Variants in WDR5B observed in about 807,000 individuals in gnomAD.
The protein encoded by WDR5B is WD repeat domain 5B, also known as WD repeat-containing protein 5B.
A neutral mutation model predicts 24.0 loss-of-function variants in WDR5B; 17 were observed. The ratio of observed to expected loss-of-function variants is 0.71; its 90% CI spans 0.49 to 1.06. The LOEUF is 1.06. Among genes scored for constraint, WDR5B ranks in the 50% least tolerant of loss-of-function variants. The pLI, the probability that WDR5B is intolerant of heterozygous loss-of-function variation, is 0.00. For missense variants in WDR5B, 368 were observed against 384.1 expected, an observed-to-expected ratio of 0.96 and a Z score of 0.35; for synonymous variants, 150 against 146.4, an observed-to-expected ratio of 1.02 and a Z score of -0.18.
At position 122,415,644 on chromosome 3, in the gene WDR5B, TA is replaced by T; in HGVS notation, c.-117del. 7.3e-7 allele frequency: 1 copy of T among 1,362,322 alleles called. No individual in the cohort carries two copies. Among genetic ancestry groups the T allele is most frequent in the East Asian group, 2.3e-5 (1 of 42,696 alleles). 84.4% of individuals were successfully genotyped at this position (1,362,322 alleles called of 1,614,324 possible). On this transcript the variant is annotated 5_prime_UTR_variant, in exon 1 of 1. Coordinates refer to ENST00000330689, the MANE Select transcript of WDR5B (RefSeq NM_019069.4). Reference sequence around the variant, plus strand: ...GATAAACGCACAGGATTTTAAAATGTACAGTTTTGAAAGCTTAAAGTTTCTG... The same window carrying T: ...GATAAACGCACAGGATTTTAAAATGTCAGTTTTGAAAGCTTAAAGTTTCTG...
rs753357347 is a variant in WDR5B, at chr3:122,415,292, G to A, written c.237C>T (p.Leu79=). ...GAYDGKYEKT[L]YGHNLEISDV... is the part of the protein sequence containing the mutation. ...CCGATATTTCCAAATTATGACCATA[G>A]AGTGTTTTCTCATATTTTCCATCAT... The change falls in exon 1 of 1, where the codon CTC becomes CTT. Residue 79 remains leucine, a synonymous_variant. Coordinates refer to ENST00000330689, the MANE Select transcript of WDR5B (RefSeq NM_019069.4). 4 of 1,614,060 alleles carry A rather than the reference G, an allele frequency of 2.5e-6. No homozygotes were observed. The highest frequency in any genetic ancestry group is 1.3e-5 in the African/African-American group (1 of 74,930).
chr3:122,414,450 C>G lies in WDR5B; in HGVS notation c.*86G>C. On this transcript the variant is annotated 3_prime_UTR_variant, in exon 1 of 1. Coordinates refer to ENST00000330689, the MANE Select transcript of WDR5B (RefSeq NM_019069.4). ...TAACAATAGACAATTTTTAAAATAC[C>G]AAACTGCCAAAATTAAAAGAAACCG... 1 of 1,470,676 alleles carries G rather than the reference C, an allele frequency of 6.8e-7. No homozygotes were observed. Among genetic ancestry groups the G allele is most frequent in the Non-Finnish European group, 9.0e-7 (1 of 1,107,370 alleles). The allele number at this position is 1,470,676 out of a possible 1,614,324, so 91.1% of individuals were successfully genotyped here.
rs1292265051 is a variant in WDR5B, at chr3:122,414,564, G to C, written c.965C>G (p.Thr322Arg). 6.2e-7 allele frequency: 1 copy of C among 1,614,064 alleles called. No homozygotes were observed. The highest frequency in any genetic ancestry group is 1.7e-5 in the Admixed American group (1 of 60,006). The change falls in exon 1 of 1, where the codon ACA becomes AGA. Residue 322 changes from threonine to arginine, a missense_variant. Coordinates refer to ENST00000330689, the MANE Select transcript of WDR5B (RefSeq NM_019069.4). Reference protein sequence around the residue: ...IASAALENDKTIKLWMSNH With the variant: ...IASAALENDKRIKLWMSNH ...GTGGTTACTCATCCACAGTTTAATT[G>C]TTTTGTCATTTTCTAATGCTGCTGA...
At position 122,415,563 on chromosome 3, in the gene WDR5B, C is replaced by T; in HGVS notation, c.-35G>A. ...GCTCCAAGTTAGCAGGTGTACTAGG[C>T]GTTCAGCCCTGAACCAGGCAGTCCA... On this transcript the variant is annotated 5_prime_UTR_variant, in exon 1 of 1. Coordinates refer to ENST00000330689, the MANE Select transcript of WDR5B (RefSeq NM_019069.4). 6.3e-7 allele frequency: 1 copy of T among 1,578,752 alleles called. No individual in the cohort carries two copies. Among genetic ancestry groups the T allele is most frequent in the Non-Finnish European group, 8.6e-7 (1 of 1,164,158 alleles).
Position 122,415,517 on chromosome 3 carries a change from C to A in WDR5B, c.12G>T (p.Lys4Asn), listed in dbSNP as rs1263210249. MAT[K>N]ESRDAKAQLA... The stretch of plus-strand genomic sequence containing the variant: ...ACTGTGCTTTGGCGTCTCTTGACTC[C>A]TTGGTTGCCATGGCTCTGAAGCTCC... The change falls in exon 1 of 1, where the codon AAG becomes AAT. Residue 4 changes from lysine (K) to asparagine (N), a missense_variant. Coordinates refer to ENST00000330689, the MANE Select transcript of WDR5B (RefSeq NM_019069.4). 1.2e-6 allele frequency: 2 copies of A among 1,610,806 alleles called. No homozygotes were observed. The highest frequency in any genetic ancestry group is 8.5e-7 in the Non-Finnish European group (1 of 1,178,090).
In WDR5B at chr3:122,412,320, T is replaced by TA. The variant is rs1260179385; in HGVS notation, c.*2215dup. The TA allele has an allele frequency of 2.0e-5, 3 of 152,262 alleles. No individual in the cohort carries two copies. Among genetic ancestry groups the TA allele is most frequent in the Non-Finnish European group, 4.4e-5 (3 of 68,046 alleles). The allele number at this position is 152,262 out of a possible 1,614,324, so 9.4% of individuals were successfully genotyped here. A position where few individuals can be genotyped will look rare whatever the true frequency, so the allele number is the denominator to read the frequency against. ...TAAGTGCTGTTTGTTTGAATAAAGTTAATGTGTGAGGTTACGGTTACTTTT... is the reference window on the plus strand; with the variant it reads ...TAAGTGCTGTTTGTTTGAATAAAGTTAAATGTGTGAGGTTACGGTTACTTTT... On this transcript the variant is annotated 3_prime_UTR_variant, in exon 1 of 1. Coordinates refer to ENST00000330689, the MANE Select transcript of WDR5B (RefSeq NM_019069.4).
Position 122,415,678 on chromosome 3 carries a change from T to G in WDR5B, c.-150A>C. On this transcript the variant is annotated 5_prime_UTR_variant, in exon 1 of 1. Coordinates refer to ENST00000330689, the MANE Select transcript of WDR5B (RefSeq NM_019069.4). ...GAAAGCTTAAAGTTTCTGGACAGTC[T>G]TTAAACTGTGAGACGGAATCAGCAG... 9.9e-7 allele frequency: 1 copy of G among 1,005,970 alleles called. No individual in the cohort carries two copies. Among genetic ancestry groups the G allele is most frequent in the East Asian group, 2.6e-5 (1 of 37,776 alleles). 62.3% of individuals were successfully genotyped at this position (1,005,970 alleles called of 1,614,324 possible).
At position 122,414,968 on chromosome 3, in the gene WDR5B, A is replaced by G; in HGVS notation, c.561T>C (p.Tyr187=). The change falls in exon 1 of 1, where the codon TAT becomes TAC. Residue 187 remains tyrosine (Y), a synonymous_variant. Transcript: ENST00000330689. ...CATCCCAGATTCTACAGAGGCCATC[A>G]TAGCTACCTGACACTATCAAGGACC... ...CSGSLIVSGS[Y]DGLCRIWDAA... 6 of 1,614,230 alleles carry G rather than the reference A, an allele frequency of 3.7e-6. No homozygotes were observed. Among genetic ancestry groups the G allele is most frequent in the Non-Finnish European group, 5.1e-6 (6 of 1,180,044 alleles).
In WDR5B at chr3:122,414,821, T is replaced by A; in HGVS notation, c.708A>T (p.Leu236=). 1 of 1,614,146 alleles carries A rather than the reference T, an allele frequency of 6.2e-7. No individual in the cohort carries two copies. The highest frequency in any genetic ancestry group is 8.5e-7 in the Non-Finnish European group (1 of 1,180,022). The change falls in exon 1 of 1, where the codon CTA becomes CTT. Residue 236 remains leucine (L), a synonymous_variant. Coordinates refer to ENST00000330689, the MANE Select transcript of WDR5B (RefSeq NM_019069.4). Reference sequence around the variant, plus strand: ...GGCACCTGCCTCTGCTATAATCCCATAGTTTAAGAGTGTTGTCCAAAGTTG... The same window carrying A: ...GGCACCTGCCTCTGCTATAATCCCAAAGTTTAAGAGTGTTGTCCAAAGTTG... ...LTATLDNTLK[L]WDYSRGRCLK...
At position 122,412,421 on chromosome 3, in the gene WDR5B, C is replaced by T. The variant is rs2075710040; in HGVS notation, c.*2115G>A. Reference sequence around the variant, plus strand: ...AAGCAGGCAAGGAATGAAGTTGTATCCTTCACTGTCAAACATTACTTGAGT... The same window carrying T: ...AAGCAGGCAAGGAATGAAGTTGTATTCTTCACTGTCAAACATTACTTGAGT... On this transcript the variant is annotated 3_prime_UTR_variant, in exon 1 of 1. Transcript: ENST00000330689. The T allele has an allele frequency of 6.6e-6, 1 of 152,148 alleles. No homozygotes were observed. Among genetic ancestry groups the T allele is most frequent in the Non-Finnish European group, 1.5e-5 (1 of 68,024 alleles). 9.4% of individuals were successfully genotyped at this position (152,148 alleles called of 1,614,324 possible).
chr3:122,414,498 T>C lies in WDR5B; in HGVS notation c.*38A>G, dbSNP rs2075721467. Reference sequence around the variant, plus strand: ...CCGTCTTTTTAAATATCCAAGTTTTTTGGCCAACTTGGCTCTACTACTTGA... The same window carrying C: ...CCGTCTTTTTAAATATCCAAGTTTTCTGGCCAACTTGGCTCTACTACTTGA... On this transcript the variant is annotated 3_prime_UTR_variant, in exon 1 of 1. Transcript: ENST00000330689. 2 of 1,546,058 alleles carry C rather than the reference T, an allele frequency of 1.3e-6. No individual in the cohort carries two copies. The highest frequency in any genetic ancestry group is 2.8e-5 in the African/African-American group (2 of 72,056).
Position 122,415,320 on chromosome 3 carries a change from G to C in WDR5B, c.209C>G (p.Ala70Gly), listed in dbSNP as rs2075729246. The change falls in exon 1 of 1, where the codon GCA becomes GGA. Residue 70 changes from alanine to glycine, a missense_variant. Coordinates refer to ENST00000330689, the MANE Select transcript of WDR5B (RefSeq NM_019069.4). ...SADRLIIIWGAYDGKYEKTLY... is the reference protein window; with the variant it reads ...SADRLIIIWGGYDGKYEKTLY... ...TGTTTTCTCATATTTTCCATCATAT[G>C]CTCCCCAAATTATGATTAGCCTATC... is the stretch of plus-strand genomic sequence containing the variant. 6.2e-7 allele frequency: 1 copy of C among 1,614,064 alleles called. No individual in the cohort carries two copies. Among genetic ancestry groups the C allele is most frequent in the African/African-American group, 1.3e-5 (1 of 74,910 alleles).
At position 122,415,492 on chromosome 3, in the gene WDR5B, A is replaced by C; in HGVS notation, c.37T>G (p.Leu13Val). The change falls in exon 1 of 1, where the codon TTG (leucine) becomes GTG (valine). Residue 13 changes from leucine to valine, a missense_variant. Coordinates refer to ENST00000330689, the MANE Select transcript of WDR5B (RefSeq NM_019069.4). ...TKESRDAKAQ[L>V]ALSSSANQSK... Reference sequence around the variant, plus strand: ...TGATTGGCCGATGAGGAGAGGGCCAACTGTGCTTTGGCGTCTCTTGACTCC... The same window carrying C: ...TGATTGGCCGATGAGGAGAGGGCCACCTGTGCTTTGGCGTCTCTTGACTCC... 1.2e-6 allele frequency: 2 copies of C among 1,613,878 alleles called. No homozygotes were observed. Among genetic ancestry groups the C allele is most frequent in the Non-Finnish European group, 1.7e-6 (2 of 1,179,870 alleles).
chr3:122,414,762 T>C lies in WDR5B; in HGVS notation c.767A>G (p.Tyr256Cys), dbSNP rs1219841172. 1 of 1,614,162 alleles carries C rather than the reference T, an allele frequency of 6.2e-7. No individual in the cohort carries two copies. Among genetic ancestry groups the C allele is most frequent in the Non-Finnish European group, 8.5e-7 (1 of 1,180,038 alleles). The part of the protein sequence containing the change: ...KTYTGHKNEK[Y>C]CIFANFSVTG... ...AACTGAAAAATTGGCAAATATGCAA[T>C]ATTTCTCATTCTTATGACCAGTGTA... is the stretch of plus-strand genomic sequence containing the variant. Residue 256 changes from tyrosine to cysteine, a missense_variant, in exon 1 of 1, where the codon TAT becomes TGT. Coordinates refer to ENST00000330689, the MANE Select transcript of WDR5B (RefSeq NM_019069.4).
At position 122,415,685 on chromosome 3, in the gene WDR5B, T is replaced by G. The variant is rs1560006072; in HGVS notation, c.-157A>C. On this transcript the variant is annotated 5_prime_UTR_variant, in exon 1 of 1. Transcript: ENST00000330689. ...TAAAGTTTCTGGACAGTCTTTAAAC[T>G]GTGAGACGGAATCAGCAGCACGGCT... 2.2e-6 allele frequency: 2 copies of G among 905,910 alleles called. No homozygotes were observed. The highest frequency in any genetic ancestry group is 3.2e-6 in the Non-Finnish European group (2 of 617,596). The allele number at this position is 905,910 out of a possible 1,614,324, so 56.1% of individuals were successfully genotyped here. A position where few individuals can be genotyped will look rare whatever the true frequency, so the allele number is the denominator to read the frequency against.
rs9289193 is a variant in WDR5B, at chr3:122,416,042, T to A, written c.-514A>T. 101,161 of 167,536 alleles carry A rather than the reference T, an allele frequency of 0.6. 30,878 individuals are homozygous for A. The highest frequency in any genetic ancestry group is 0.77 in the East Asian group (3,983 of 5,182). 10.4% of individuals were successfully genotyped at this position (167,536 alleles called of 1,614,324 possible). ...ACTCTGGCCTGTCGGCTACTTTTGC[T>A]CGTACCAGCAGGTGTGCACTGCCGC... is the stretch of plus-strand genomic sequence containing the variant. On this transcript the variant is annotated 5_prime_UTR_variant, in exon 1 of 1. Coordinates refer to ENST00000330689, the MANE Select transcript of WDR5B (RefSeq NM_019069.4).
In WDR5B at chr3:122,415,244, G is replaced by C. The variant is rs769106384; in HGVS notation, c.285C>G (p.Ser95=). Residue 95 remains serine (S), a synonymous_variant, in exon 1 of 1, where the codon TCC becomes TCG. Transcript: ENST00000330689. ...CATCTGAGGCAGAAACAAGACGACT[G>C]GAATCTGATGACCAGGCAACATCCG... ...EISDVAWSSD[S]SRLVSASDDK... 49 of 1,614,066 alleles carry C rather than the reference G, an allele frequency of 3.0e-5. No individual in the cohort carries two copies. Among genetic ancestry groups the C allele is most frequent in the Non-Finnish European group, 2.6e-5 (31 of 1,180,030 alleles).
At position 122,414,590 on chromosome 3, in the gene WDR5B, T is replaced by C. The variant is rs367896370; in HGVS notation, c.939A>G (p.Ala313=). The C allele has an allele frequency of 3.7e-6, 6 of 1,614,072 alleles. No homozygotes were observed. Among genetic ancestry groups the C allele is most frequent in the Non-Finnish European group, 1.7e-6 (2 of 1,180,044 alleles). The change falls in exon 1 of 1, where the codon GCA becomes GCG. Residue 313 remains alanine (A), a synonymous_variant. Transcript: ENST00000330689. ...TTTTGTCATTTTCTAATGCTGCTGA[T>C]GCGATGAGGTTTTCTGTAGGATGAC... ...AACHPTENLI[A]SAALENDKTI...
chr3:122,414,593 G>A lies in WDR5B; in HGVS notation c.936C>T (p.Ile312=), dbSNP rs147850575. 39 of 1,614,120 alleles carry A rather than the reference G, an allele frequency of 2.4e-5. No homozygotes were observed. In the African/African-American group the frequency reaches 3.2e-4, roughly 13 times the overall value. ...SAACHPTENL[I]ASAALENDKT... ...TGTCATTTTCTAATGCTGCTGATGC[G>A]ATGAGGTTTTCTGTAGGATGACAAG... The change falls in exon 1 of 1, where the codon ATC becomes ATT. Residue 312 remains isoleucine, a synonymous_variant. Coordinates refer to ENST00000330689, the MANE Select transcript of WDR5B (RefSeq NM_019069.4).
Sources: allele counts gnomAD v4.1 joint callset, GRCh38; gene constraint gnomAD v4.1.1; transcripts MANE v1.5; gene names NCBI Gene and HGNC (gene_info 2026-07-23, HGNC 2026-07-21).